UNC13B: variants seen among roughly 807,000 people sequenced by gnomAD.
The protein encoded by UNC13B is unc-13 homolog B.
Under a neutral mutation model 211.0 loss-of-function variants are expected in UNC13B, and 144 were observed. The observed-to-expected ratio is 0.68, with a 90% CI of 0.60 to 0.78. UNC13B has a LOEUF of 0.78. Ranked by LOEUF, UNC13B falls within the 30% of genes least tolerant of loss-of-function variation. The pLI is 0.00. For synonymous variants in UNC13B, 709 were observed against 725.8 expected, an observed-to-expected ratio of 0.98 and a Z score of 0.37; for missense variants, 1,777 against 2,002.0, an observed-to-expected ratio of 0.89 and a Z score of 2.14.
At chr9:35,298,810 C>T (rs1829527721) in intron 8 of UNC13B, among the ~76,000 whole-genome samples, 1 of 152,206 alleles carries the variant, frequency 6.6e-6, no homozygotes, top group Non-Finnish European at 1.5e-5. Flanking sequence ...AAAGTTCAGG[C>T]TATCTTCAGT....
chr9:35,219,539 C>T (rs1816422515), intron 1 of UNC13B, among the ~76,000 whole-genome samples: 1 of 151,458 alleles, frequency 6.6e-6, no homozygotes, highest in African/African-American at 2.4e-5. Flanking sequence ...ATTGCTTGAA[C>T]CCTGGAGGTC....
chr9:35,400,580 C>T (rs17369723), intron 37 of UNC13B, 137 bp downstream of exon 37: 38,886 of 1,039,742 alleles, frequency 0.037, 937 homozygotes, highest in Non-Finnish European at 0.043. Context: ...ATCTCTATTG[C>T]TTGATGGGAC....
chr9:35,307,140 A>G lies in UNC13B; in HGVS notation c.7736A>G (p.Asp2579Gly), dbSNP rs748944419. ...GTGGTTAGTGCAAAGCCAGAATCAGATATCTTGACAGATGATCCTAAACTA... is the reference window on the plus strand; with the variant it reads ...GTGGTTAGTGCAAAGCCAGAATCAGGTATCTTGACAGATGATCCTAAACTA... ...MTVVSAKPES[D>G]ILTDDPKLTT... The change falls in exon 9 of 40, where the codon GAT becomes GGT. Residue 2579 changes from aspartate to glycine, a missense_variant. By Grantham distance (94) the Asp-to-Gly change is moderately conservative (BLOSUM62 -1). Transcript: ENST00000635942. The G allele has an allele frequency of 2.5e-6, 1 of 399,082 alleles. No individual in the cohort carries two copies. Among genetic ancestry groups the G allele is most frequent in the East Asian group, 3.6e-5 (1 of 28,078 alleles). The allele number at this position is 399,082 out of a possible 1,614,324, so 24.7% of individuals were successfully genotyped here.
chr9:35,363,801 C>T (rs1433403295), intron 11 of UNC13B, among the ~76,000 whole-genome samples: 3 of 152,060 alleles, frequency 2.0e-5, no homozygotes, highest in Admixed American at 2.0e-4. Context: ...CTTGATCGGG[C>T]CCTTCTGGAA....
At chr9:35,206,059 C>T (rs899182318) in intron 1 of UNC13B, among the ~76,000 whole-genome samples, 2 of 152,092 alleles carry the variant, frequency 1.3e-5, no homozygotes, top group Admixed American at 1.3e-4. Context: ...TGGCACATGC[C>T]TCTAGTCCCA....
chr9:35,204,259 C>T (rs1823509917), intron 1 of UNC13B, among the ~76,000 whole-genome samples: 1 of 152,248 alleles, frequency 6.6e-6, no homozygotes, highest in South Asian at 2.1e-4. Flanking sequence ...GCCTGGATGT[C>T]CAGGCTGAAG....
Position 35,301,861 on chromosome 9 carries a change from C to T in UNC13B, c.2457C>T (p.Leu819=), listed in dbSNP as rs1412726822. The part of the protein sequence containing the change: ...PLRKSFSQFL[L]TSPETCSKES... ...GAAAATCATTTAGCCAGTTTTTGCT[C>T]ACTTCCCCTGAGACTTGTTCAAAGG... The change falls in exon 9 of 40, where the codon CTC becomes CTT. Residue 819 remains leucine, a synonymous_variant. Coordinates refer to ENST00000635942, the MANE Select transcript of UNC13B (RefSeq NM_001371189.2). 5.0e-6 allele frequency: 2 copies of T among 398,686 alleles called. No homozygotes were observed. Among genetic ancestry groups the T allele is most frequent in the African/African-American group, 4.1e-5 (2 of 48,608 alleles). The allele number at this position is 398,686 out of a possible 1,614,324, so 24.7% of individuals were successfully genotyped here.
At chr9:35,324,986 G>T (rs371937727) in intron 11 of UNC13B, among the ~76,000 whole-genome samples, 5 of 152,014 alleles carry the variant, frequency 3.3e-5, no homozygotes, top group African/African-American at 1.2e-4. Flanking sequence ...CCTGTTTTAC[G>T]TCCTGCATTT....
chr9:35,347,649 G>A (rs964303771), intron 11 of UNC13B, among the ~76,000 whole-genome samples: 10 of 152,166 alleles, frequency 6.6e-5, no homozygotes, highest in Non-Finnish European at 1.3e-4. Context: ...TTCATCCCAG[G>A]GCAGTGGCTA....
intron 11 of UNC13B, among the ~76,000 whole-genome samples, chr9:35,318,454 A>G (rs578063556): frequency 4.6e-5 from 7 of 152,236 alleles, no homozygotes; most frequent in Non-Finnish European, 1.0e-4. Flanking sequence ...TTAGTTTCCT[A>G]TTTATCGTTC....
intron 26 of UNC13B, among the ~76,000 whole-genome samples, chr9:35,394,549 T>C (rs1299684626): frequency 6.6e-6 from 1 of 152,150 alleles, no homozygotes; most frequent in Non-Finnish European, 1.5e-5. Flanking sequence ...TGAGCAGAGA[T>C]AGCACCACTG....
intron 26 of UNC13B, 41 bp from the exon 27 acceptor site, chr9:35,396,435 C>T (rs980307905): frequency 1.2e-6 from 2 of 1,612,606 alleles, no homozygotes. Context: ...ACCATGGCCT[C>T]TACTGCTGGG....
chr9:35,287,785 TA>T (rs1828879995), intron 7 of UNC13B, among the ~76,000 whole-genome samples: 1 of 152,216 alleles, frequency 6.6e-6, no homozygotes, highest in Non-Finnish European at 1.5e-5. Context: ...TTGGAACATA[TA>T]GTCTGAAAAC....
intron 6 of UNC13B, among the ~76,000 whole-genome samples, chr9:35,257,359 AT>A (rs1826962750): frequency 9.8e-4 from 3 of 3,072 alleles, no homozygotes; most frequent in Admixed American, 5.3e-3. Context: ...AAATATTTAT[AT>A]AAATATTTAT....
At chr9:35,311,963 G>A (rs1206045302) in intron 10 of UNC13B, among the ~76,000 whole-genome samples, 1 of 152,106 alleles carries the variant, frequency 6.6e-6, no homozygotes, top group Non-Finnish European at 1.5e-5. Flanking sequence ...TCTCAGTCTC[G>A]GCACTCGTGA....
At chr9:35,237,162 C>T (rs978043357) in intron 4 of UNC13B, among the ~76,000 whole-genome samples, 3 of 152,166 alleles carry the variant, frequency 2.0e-5, no homozygotes, top group Non-Finnish European at 2.9e-5. Context: ...ATCATTTCCC[C>T]ACTTTGGACC....
intron 1 of UNC13B, among the ~76,000 whole-genome samples, chr9:35,164,616 C>T (rs552334427): frequency 6.6e-6 from 1 of 152,310 alleles, no homozygotes; most frequent in Non-Finnish European, 1.5e-5. Flanking sequence ...TACTCTGACT[C>T]CAGACTTGTG....
At chr9:35,203,046 C>A (rs1481290433) in intron 1 of UNC13B, among the ~76,000 whole-genome samples, 1 of 152,160 alleles carries the variant, frequency 6.6e-6, no homozygotes, top group Non-Finnish European at 1.5e-5. Context: ...CCCACCTTGG[C>A]CTCCCAAAGT....
chr9:35,236,558 C>T lies in UNC13B; in HGVS notation c.242C>T (p.Ala81Val), dbSNP rs367834612. 7.1e-5 allele frequency: 115 copies of T among 1,613,876 alleles called. No individual in the cohort carries two copies. The highest frequency in any genetic ancestry group is 3.3e-4 in the Middle Eastern group (2 of 6,082). The stretch of plus-strand genomic sequence containing the variant: ...ACCATGGTGGGGACTGTGTGGATTG[C>T]GCTGAAGACTATTCGTCAGTCGGAT... ...WDTMVGTVWI[A>V]LKTIRQSDEE... is the part of the protein sequence containing the mutation. Residue 81 changes from alanine to valine, a missense_variant, in exon 4 of 40, where the codon GCG becomes GTG. Transcript: ENST00000635942.
Sources: gnomAD v4.1 joint callset for allele counts (sites outside exome capture counted in the v4.1 genomes callset) on GRCh38, gnomAD v4.1.1 for gene constraint, MANE v1.5 for transcripts, NCBI Gene and HGNC (gene_info 2026-07-23, HGNC 2026-07-21) for gene names.